Variants in SFT2D1 observed in about 807,000 individuals in gnomAD.
SFT2D1 encodes the protein vesicle transport protein SFT2A.
In SFT2D1, 24 loss-of-function variants were observed where a neutral mutation model predicts 28.1. That is an observed-to-expected ratio of 0.85 (90% CI 0.62 to 1.20). The LOEUF is 1.20. Among genes scored for constraint, SFT2D1 ranks in the 50% most tolerant of loss-of-function variants. SFT2D1 has a pLI of 0.00. For synonymous variants in SFT2D1, 82 were observed against 73.7 expected (o/e 1.11, Z -0.58); for missense variants, 181 against 190.9 (o/e 0.95, Z 0.31).
At chr6:166,326,743 C>T (rs1562442906) in intron 4 of SFT2D1, among the ~76,000 whole-genome samples, 1 of 152,344 alleles carries the variant, frequency 6.6e-6, no homozygotes, top group Middle Eastern at 3.4e-3. Context: ...AATCAAACCA[C>T]GCAAAGTGCT....
chr6:166,325,909 G>C, intron 5 of SFT2D1: 1 of 589,412 alleles, frequency 1.7e-6, no homozygotes, highest in East Asian at 2.9e-5. Context: ...GTGAGCATGT[G>C]TGCACATGTG....
intron 1 of SFT2D1, among the ~76,000 whole-genome samples, chr6:166,341,629 G>C (rs1250660535): frequency 2.0e-5 from 3 of 152,108 alleles, no homozygotes; most frequent in Non-Finnish European, 2.9e-5. Context: ...GAGACAAATA[G>C]AAGATCCTTA....
At chr6:166,321,420 G>A (rs1778353526) in intron 7 of SFT2D1, among the ~76,000 whole-genome samples, 1 of 152,102 alleles carries the variant, frequency 6.6e-6, no homozygotes, top group African/African-American at 2.4e-5. Flanking sequence ...CACGTCTAGA[G>A]GTCCTTTCCT....
chr6:166,320,360 T>C (rs1778328087), intron 7 of SFT2D1, 104 bp from the exon 8 acceptor site: 13 of 811,896 alleles, frequency 1.6e-5, no homozygotes, highest in Non-Finnish European at 2.6e-5. Context: ...ACTCAATGGA[T>C]GCTCCAACAC....
intron 1 of SFT2D1, among the ~76,000 whole-genome samples, chr6:166,339,455 C>T (rs1035454324): frequency 1.3e-5 from 2 of 152,188 alleles, no homozygotes; most frequent in Non-Finnish European, 2.9e-5. Context: ...GGGAAAATGA[C>T]ATGTTCCCCG....
At chr6:166,324,482 T>G in intron 6 of SFT2D1, 55 bp downstream of exon 6, 1 of 1,550,900 alleles carries the variant, frequency 6.4e-7, no homozygotes. Context: ...CCAAACAAAA[T>G]GCTCGTCACG....
intron 1 of SFT2D1, among the ~76,000 whole-genome samples, chr6:166,339,645 T>C (rs1433060791): frequency 6.6e-6 from 1 of 152,120 alleles, no homozygotes; most frequent in Non-Finnish European, 1.5e-5. Flanking sequence ...ACGGGTAATC[T>C]GCTCTTAACT....
At chr6:166,338,217 G>A (rs369573494) in intron 1 of SFT2D1, among the ~76,000 whole-genome samples, 14 of 152,258 alleles carry the variant, frequency 9.2e-5, no homozygotes, top group Admixed American at 3.3e-4. Context: ...AGAATGTTCC[G>A]GCATTATGTT....
chr6:166,328,077 C>T (rs1433549947), intron 4 of SFT2D1, among the ~76,000 whole-genome samples, 199 bp downstream of exon 4: 1 of 151,862 alleles, frequency 6.6e-6, no homozygotes, highest in Non-Finnish European at 1.5e-5. Context: ...GGATTACAGA[C>T]GTGAGCCACC....
intron 4 of SFT2D1, among the ~76,000 whole-genome samples, chr6:166,327,264 T>C (rs980392526): frequency 7.9e-5 from 12 of 151,850 alleles, no homozygotes; most frequent in African/African-American, 2.9e-4. Flanking sequence ...ACAGACCAGG[T>C]GAGTTAGGAG....
rs1583046074 is a variant in SFT2D1, at chr6:166,342,422, C to A, written c.60G>T (p.Ala20=). The part of the protein sequence containing the change: ...GQDDEEQGLT[A]QVLDASSLSF... The stretch of plus-strand genomic sequence containing the variant: ...GACGAGGGCGCAAGTTCGCTACCTG[C>A]GCAGTCAGGCCCTGCTCCTCGTCGT... The change falls in exon 1 of 8, where the codon GCG becomes GCT. Residue 20 remains alanine, a synonymous_variant. Coordinates refer to ENST00000361731, the MANE Select transcript of SFT2D1 (RefSeq NM_145169.3). 6 of 1,556,940 alleles carry A rather than the reference C, an allele frequency of 3.9e-6. No individual in the cohort carries two copies. The highest frequency in any genetic ancestry group is 5.2e-6 in the Non-Finnish European group (6 of 1,151,070).
chr6:166,331,369 T>G (rs183265097), intron 1 of SFT2D1: 1 of 152,686 alleles, frequency 6.5e-6, no homozygotes, highest in South Asian at 2.1e-4. Context: ...AAAATACATT[T>G]GGTTACATTC....
chr6:166,320,888 G>A (rs1191009062), intron 7 of SFT2D1, among the ~76,000 whole-genome samples: 1 of 152,226 alleles, frequency 6.6e-6, no homozygotes, highest in Non-Finnish European at 1.5e-5. Context: ...TGGATCACTT[G>A]AGGTCAGGAG....
At chr6:166,334,877 T>G in intron 1 of SFT2D1, 1 of 417,778 alleles carries the variant, frequency 2.4e-6, no homozygotes, top group Non-Finnish European at 4.6e-6. Flanking sequence ...AAAGACGAGG[T>G]GCCCAACTGT....
intron 1 of SFT2D1, 42 bp from the exon 2 acceptor site, chr6:166,330,289 A>C: frequency 1.6e-6 from 2 of 1,288,316 alleles, no homozygotes; most frequent in Non-Finnish European, 2.2e-6. Flanking sequence ...GTCTTAATTC[A>C]CTACCAATCT....
intron 7 of SFT2D1, among the ~76,000 whole-genome samples, chr6:166,322,113 C>T (rs932937490): frequency 3.5e-4 from 54 of 152,270 alleles, no homozygotes; most frequent in African/African-American, 1.2e-3. Flanking sequence ...GAACTCCTGA[C>T]CTCAAGTGAT....
intron 1 of SFT2D1, among the ~76,000 whole-genome samples, chr6:166,339,783 C>A (rs1035427885): frequency 6.6e-6 from 1 of 152,152 alleles, no homozygotes; most frequent in South Asian, 2.1e-4. Context: ...GCTGTCTTTG[C>A]CGGCTTCTGC....
intron 6 of SFT2D1, chr6:166,323,851 G>C (rs1472030352): frequency 6.6e-6 from 1 of 152,216 alleles, no homozygotes; most frequent in African/African-American, 2.4e-5. Context: ...AAGAAGTTTT[G>C]GATTTGGGGC....
chr6:166,322,895 A>T lies in SFT2D1; in HGVS notation c.411-9T>A, dbSNP rs761117724. 1 of 1,610,646 alleles carries T rather than the reference A, an allele frequency of 6.2e-7. No individual in the cohort carries two copies. Among genetic ancestry groups the T allele is most frequent in the Non-Finnish European group, 8.5e-7 (1 of 1,177,388 alleles). On this transcript the variant is annotated splice_polypyrimidine_tract_variant and intron_variant, in intron 6 of 7. Transcript: ENST00000361731. ...TGTACGACAGGCTATACCTGCAAGA[A>T]ATATTCAAGCATGTTGAATCTTCAT...
Sources: allele counts gnomAD v4.1 joint callset (sites outside exome capture counted in the v4.1 genomes callset), GRCh38; gene constraint gnomAD v4.1.1; transcripts MANE v1.5; gene names NCBI Gene and HGNC (gene_info 2026-07-23, HGNC 2026-07-21).